Variants in NEDD9 observed in about 807,000 individuals in gnomAD.
NEDD9 encodes the protein enhancer of filamentation 1.
In NEDD9, 26 loss-of-function variants were observed where a neutral mutation model predicts 76.6. The ratio of observed to expected loss-of-function variants is 0.34; its 90% confidence interval spans 0.25 to 0.47. The LOEUF is 0.47. Ranked by LOEUF, NEDD9 falls within the 20% of genes least tolerant of loss-of-function variation. The pLI, the probability that NEDD9 is intolerant of heterozygous loss-of-function variation, is 1.00. For missense variants in NEDD9, 937 were observed against 1,058.5 expected (o/e 0.89, Z 1.59); for synonymous variants, 392 against 414.2 (o/e 0.95, Z 0.65).
intron 3 of NEDD9, among the ~76,000 whole-genome samples, chr6:11,277,293 G>A (rs1161707417): frequency 6.6e-6 from 1 of 152,236 alleles, no homozygotes; most frequent in African/African-American, 2.4e-5. Flanking sequence ...GAGAGCAAAT[G>A]TAAACACAGC....
In NEDD9 at chr6:11,220,689, G is replaced by T. The variant is rs140770177; in HGVS notation, c.13-6962C>A. Reference sequence around the variant, plus strand: ...TTGAGGACTGGTGAAAAGATCTGATGCTCACTGCAAATTTGGATATTTGGA... The same window carrying T: ...TTGAGGACTGGTGAAAAGATCTGATTCTCACTGCAAATTTGGATATTTGGA... On this transcript the variant is annotated intron_variant, in intron 1 of 6. Coordinates refer to ENST00000379446, the MANE Select transcript of NEDD9 (RefSeq NM_006403.4). Among the ~76,000 whole-genome samples the T allele has an allele frequency of 1.3e-3, 199 of 152,264 alleles. 1 individual carries two copies. Among genetic ancestry groups the T allele is most frequent in the African/African-American group, 4.6e-3 (192 of 41,552 alleles).
chr6:11,228,033 A>G (rs1044473453), intron 1 of NEDD9, among the ~76,000 whole-genome samples: 1 of 146,232 alleles, frequency 6.8e-6, no homozygotes, highest in East Asian at 2.1e-4. Flanking sequence ...TGAGGGCTAC[A>G]GAATGTGCAT....
chr6:11,188,014 T>A (rs1203564152), intron 6 of NEDD9, among the ~76,000 whole-genome samples: 2 of 152,252 alleles, frequency 1.3e-5, no homozygotes, highest in African/African-American at 4.8e-5. Flanking sequence ...AATTGCCGTT[T>A]AGATGGAACC....
At chr6:11,255,707 G>A (rs1226762531) in intron 3 of NEDD9, among the ~76,000 whole-genome samples, 2 of 152,232 alleles carry the variant, frequency 1.3e-5, no homozygotes, top group South Asian at 4.1e-4. Context: ...CTGGAGCCAT[G>A]CGAGGCCTTT....
At position 11,294,555 on chromosome 6, in the gene NEDD9, C is replaced by T. The variant is rs1376306524; in HGVS notation, c.12+11437G>A. On this transcript the variant is annotated intron_variant, in intron 3 of 3. Coordinates refer to the NEDD9 transcript ENST00000397378. ...CTAAGTTTCCTGAGGCCTCTGCAGC[C>T]ATGTTTCCTGTACCGCCTGCAGAAC... 2.0e-5 allele frequency among the ~76,000 whole-genome samples: 3 copies of T among 152,256 alleles called. No homozygotes were observed. The East Asian group carries it at 5.8e-4, about 29-fold the overall frequency.
At chr6:11,367,696 A>G (rs1402883718) in intron 1 of NEDD9, among the ~76,000 whole-genome samples, 2 of 152,146 alleles carry the variant, frequency 1.3e-5, no homozygotes, top group Non-Finnish European at 2.9e-5. Flanking sequence ...TTTTTAGTGG[A>G]AAGTTTTGTA....
At chr6:11,289,267 TA>T (rs1159584165) in intron 3 of NEDD9, among the ~76,000 whole-genome samples, 7 of 152,258 alleles carry the variant, frequency 4.6e-5, no homozygotes, top group Non-Finnish European at 1.0e-4. Context: ...TGTACTCTTT[TA>T]TATCTGACCT....
intron 3 of NEDD9, among the ~76,000 whole-genome samples, chr6:11,289,376 T>C (rs1272597418): frequency 6.6e-6 from 1 of 152,248 alleles, no homozygotes; most frequent in Non-Finnish European, 1.5e-5. Context: ...ATTATTATTG[T>C]TATTTGATTT....
At position 11,190,647 on chromosome 6, in the gene NEDD9, T is replaced by C. The variant is rs1421834623; in HGVS notation, c.1222A>G (p.Thr408Ala). 3.7e-6 allele frequency: 6 copies of C among 1,614,040 alleles called. No individual in the cohort carries two copies. The Admixed American group carries it at 8.3e-5, about 22-fold the overall frequency. ...QDKRLFLDPD[T>A]AIERLQRLQQ... The stretch of plus-strand genomic sequence containing the variant: ...AGCCGCTGAAGTCTCTCAATAGCTG[T>C]GTCTGGATCCAGGAAGAGCCTTTTG... The change falls in exon 5 of 7, where the codon ACA (threonine) becomes GCA (alanine). Residue 408 changes from threonine (T) to alanine (A), a missense_variant. By Grantham distance (58) the Thr-to-Ala change is moderately conservative. Coordinates refer to ENST00000379446, the MANE Select transcript of NEDD9 (RefSeq NM_006403.4). The surrounding 1 kb of genome is among the most constrained non-coding windows in gnomAD (Gnocchi z 5.8).
chr6:11,356,816 G>T (rs1173651636), intron 1 of NEDD9, among the ~76,000 whole-genome samples: 1 of 145,804 alleles, frequency 6.9e-6, no homozygotes. Context: ...TGGCCTGAAT[G>T]ACGTGACCTT....
chr6:11,191,265 T>C, intron 4 of NEDD9, 60 bp from the exon 5 acceptor site: 1 of 1,506,184 alleles, frequency 6.6e-7, no homozygotes, highest in South Asian at 1.3e-5. Context: ...GAACCTGTGG[T>C]CCCATGTGCT....
At chr6:11,371,416 G>A (rs1471250039) in intron 1 of NEDD9, among the ~76,000 whole-genome samples, 2 of 152,100 alleles carry the variant, frequency 1.3e-5, no homozygotes, top group Non-Finnish European at 2.9e-5. Flanking sequence ...AATCTTCCAT[G>A]CCTCACCTAT....
chr6:11,282,669 T>G (rs1760557770), intron 3 of NEDD9, among the ~76,000 whole-genome samples: 1 of 152,240 alleles, frequency 6.6e-6, no homozygotes, highest in South Asian at 2.1e-4. Context: ...ACCTAAACCC[T>G]ACATCCCATC....
At chr6:11,285,389 C>G (rs1207019540) in intron 3 of NEDD9, among the ~76,000 whole-genome samples, 2 of 152,120 alleles carry the variant, frequency 1.3e-5, no homozygotes, top group Non-Finnish European at 2.9e-5. Context: ...AATCCAAAGA[C>G]TTATATCGGT....
At chr6:11,286,892 A>G (rs968431114) in intron 3 of NEDD9, among the ~76,000 whole-genome samples, 7 of 152,120 alleles carry the variant, frequency 4.6e-5, no homozygotes, top group African/African-American at 1.7e-4. Context: ...TGTGTTTGTT[A>G]TCTTGGTTTT....
rs578247477 is a variant in NEDD9 at position 11,329,208 on chromosome 6, T to C, written c.-153+5293A>G. On this transcript the variant is annotated intron_variant, in intron 2 of 3. Transcript: ENST00000397378. ...GTGCAAGGGCAAACATCTTTATGACTTTGGTCCTGGGAAGAGAGACCCGGC... is the reference window on the plus strand; with the variant it reads ...GTGCAAGGGCAAACATCTTTATGACCTTGGTCCTGGGAAGAGAGACCCGGC... Among the ~76,000 whole-genome samples the C allele has an allele frequency of 5.2e-4, 79 of 152,346 alleles. 1 individual carries two copies. The highest frequency in any genetic ancestry group is 1.9e-3 in the African/African-American group (77 of 41,580).
At chr6:11,194,997 C>T (rs1758254674) in intron 2 of NEDD9, among the ~76,000 whole-genome samples, 1 of 152,192 alleles carries the variant, frequency 6.6e-6, no homozygotes, top group African/African-American at 2.4e-5. Flanking sequence ...ACAGACATTG[C>T]AAATGAGGAA....
chr6:11,356,867 C>T (rs529566903), intron 1 of NEDD9, among the ~76,000 whole-genome samples: 47 of 152,252 alleles, frequency 3.1e-4, no homozygotes, highest in African/African-American at 6.3e-4. Context: ...TACACCCCTT[C>T]GCATGTAAGA....
At chr6:11,355,432 A>G (rs1433812540) in intron 1 of NEDD9, among the ~76,000 whole-genome samples, 4 of 152,204 alleles carry the variant, frequency 2.6e-5, no homozygotes, top group Admixed American at 2.6e-4. Context: ...AACAATAATA[A>G]ATCAGCCAAA....
Sources: allele counts gnomAD v4.1 joint callset (sites outside exome capture counted in the v4.1 genomes callset), GRCh38; gene constraint gnomAD v4.1.1; non-coding constraint Gnocchi (gnomAD v3.1); transcripts MANE v1.5; gene names NCBI Gene and HGNC (gene_info 2026-07-23, HGNC 2026-07-21).